TRIM55: variants seen among roughly 807,000 people sequenced by gnomAD.
TRIM55 encodes tripartite motif containing 55, also known as tripartite motif-containing protein 55.
A neutral mutation model predicts 60.9 loss-of-function variants in TRIM55; 50 were observed. That is an observed-to-expected ratio of 0.82 (90% CI 0.65 to 1.04). TRIM55 has a LOEUF of 1.04. Among genes scored for constraint, TRIM55 ranks in the 50% least tolerant of loss-of-function variants. The probability of loss-of-function intolerance (pLI) is 0.00; values close to 1 mark genes in which losing one functional copy is unlikely to be tolerated. For missense variants in TRIM55, 681 were observed against 666.9 expected (o/e 1.02, Z -0.23); for synonymous variants, 237 against 238.1 (o/e 1.00, Z 0.04).
intron 9 of TRIM55, among the ~76,000 whole-genome samples, chr8:66,168,130 A>G (rs987403198): frequency 1.3e-5 from 2 of 152,036 alleles, no homozygotes; most frequent in Non-Finnish European, 2.9e-5. Context: ...GCTGTGCTGT[A>G]TTTTCACAGC....
intron 9 of TRIM55, among the ~76,000 whole-genome samples, chr8:66,154,850 A>G (rs1398280295): frequency 3.3e-5 from 5 of 152,204 alleles, no homozygotes; most frequent in African/African-American, 1.2e-4. Flanking sequence ...CTAGACAGAG[A>G]CAGTCTTGGC....
At chr8:66,170,680 C>T (rs993178268) in intron 9 of TRIM55, among the ~76,000 whole-genome samples, 3 of 152,052 alleles carry the variant, frequency 2.0e-5, no homozygotes, top group Admixed American at 6.5e-5. Flanking sequence ...AATTGGAACC[C>T]TCATGCACTG....
chr8:66,154,344 G>C lies in TRIM55; in HGVS notation c.1524+10G>C, dbSNP rs1563384088. 1 of 1,612,712 alleles carries C rather than the reference G, an allele frequency of 6.2e-7. No homozygotes were observed. The highest frequency in any genetic ancestry group is 8.5e-7 in the Non-Finnish European group (1 of 1,178,922). On this transcript the variant is annotated intron_variant, in intron 9 of 9. Transcript: ENST00000315962. ...TGCAGCTACTTCTCAGGTTAGTGAT[G>C]ATGCACTTGTGTCTATGCTTTCCCG...
At position 66,154,184 on chromosome 8, in the gene TRIM55, T is replaced by C. The variant is rs1250410835; in HGVS notation, c.1374T>C (p.Pro458=). 8.1e-6 allele frequency: 13 copies of C among 1,613,920 alleles called. No individual in the cohort carries two copies. The highest frequency in any genetic ancestry group is 1.1e-5 in the Non-Finnish European group (13 of 1,180,002). ...CCCGGAAAGCCACCACCAACCCACC[T>C]TGCACCCCAGGGAGCGAAGGTCTGG... ...GQTRKATTNP[P]CTPGSEGLGQ... is the part of the protein sequence containing the mutation. Residue 458 remains proline, a synonymous_variant, in exon 9 of 10, where the codon CCT becomes CCC. Transcript: ENST00000315962.
chr8:66,113,357 C>T, the TRIM55 span: 65 of 368,092 alleles, frequency 1.8e-4, no homozygotes, highest in Non-Finnish European at 2.9e-4. Flanking sequence ...CGCCGACACA[C>T]GTACACGTCC....
chr8:66,113,571 C>G, the TRIM55 span: 20 of 456,194 alleles, frequency 4.4e-5, no homozygotes, highest in Non-Finnish European at 8.8e-5. Context: ...CGCTTTCTCC[C>G]CATTTTGGGC....
chr8:66,134,021 A>T (rs1478350151), intron 2 of TRIM55, among the ~76,000 whole-genome samples: 1 of 152,188 alleles, frequency 6.6e-6, no homozygotes, highest in Non-Finnish European at 1.5e-5. Context: ...TTCGAACAGC[A>T]ATACTTATTT....
the TRIM55 span, among the ~76,000 whole-genome samples, chr8:66,120,801 A>G: frequency 6.6e-6 from 1 of 152,184 alleles, no homozygotes; most frequent in Non-Finnish European, 1.5e-5. Flanking sequence ...ATAAAACTGT[A>G]ATCATAAATA....
intron 4 of TRIM55, among the ~76,000 whole-genome samples, chr8:66,139,740 AG>A (rs1809694689): frequency 6.6e-6 from 1 of 152,150 alleles, no homozygotes; most frequent in Admixed American, 6.6e-5. Flanking sequence ...AATTATCAGG[AG>A]TCTTAAAAGT....
At chr8:66,124,507 C>G (rs911930752), upstream of TRIM55, among the ~76,000 whole-genome samples, 2 of 152,180 alleles carry the variant, frequency 1.3e-5, no homozygotes, top group Non-Finnish European at 2.9e-5. Context: ...CCATGCCCCA[C>G]CTAACTACAC....
At chr8:66,113,387 AGAGCG>A in the TRIM55 span, 1 of 394,680 alleles carries the variant, frequency 2.5e-6, no homozygotes, top group Non-Finnish European at 5.1e-6. Flanking sequence ...CTCAGCTGGT[AGAGCG>A]GAGGACTGTA....
In TRIM55 at chr8:66,152,722, A is replaced by T; in HGVS notation, c.1236+95A>T. On this transcript the variant is annotated intron_variant, in intron 8 of 9. Coordinates refer to ENST00000315962, the MANE Select transcript of TRIM55 (RefSeq NM_184085.2). ...TACCCTATTCTGCCTTAAGAAAAAG[A>T]TAACTATATGCCAGACATTCGTATA... 1.2e-5 allele frequency: 17 copies of T among 1,469,788 alleles called. No individual in the cohort carries two copies. In the South Asian group the frequency reaches 2.3e-4, roughly 20 times the overall value. The allele number at this position is 1,469,788 out of a possible 1,614,324, so 91.0% of individuals were successfully genotyped here. A position where few individuals can be genotyped will look rare whatever the true frequency, so the allele number is the denominator to read the frequency against.
At chr8:66,144,480 G>A (rs1324659209) in intron 4 of TRIM55, among the ~76,000 whole-genome samples, 1 of 152,206 alleles carries the variant, frequency 6.6e-6, no homozygotes, top group Non-Finnish European at 1.5e-5. Context: ...AGCAGCCAGA[G>A]GCTTTGCATC....
the TRIM55 span, among the ~76,000 whole-genome samples, chr8:66,118,061 C>T: frequency 1.0e-3 from 144 of 144,632 alleles, no homozygotes; most frequent in Non-Finnish European, 1.7e-3. Context: ...CCCAGCTGCT[C>T]GGGAGGCTGA....
At position 66,128,350 on chromosome 8, in the gene TRIM55, CAG is replaced by C; in HGVS notation, c.216_217del (p.Gly74ProfsTer8). The C allele has an allele frequency of 2.5e-6, 4 of 1,613,334 alleles. No homozygotes were observed. Among genetic ancestry groups the C allele is most frequent in the Non-Finnish European group, 3.4e-6 (4 of 1,179,626 alleles). The stretch of plus-strand genomic sequence containing the variant: ...ACAAGAGGAGGTACCACCATGGCAT[CAG>C]GGGGCCGATTCCGCTGCCCATCCTG... On this transcript the variant is annotated frameshift_variant, in exon 2 of 10. Coordinates refer to ENST00000315962, the MANE Select transcript of TRIM55 (RefSeq NM_184085.2). LOFTEE classifies it high-confidence loss of function.
chr8:66,169,771 C>T (rs1359878304), intron 9 of TRIM55, among the ~76,000 whole-genome samples: 3 of 152,132 alleles, frequency 2.0e-5, no homozygotes, highest in Non-Finnish European at 4.4e-5. Flanking sequence ...GCAGAAGGGA[C>T]GGAGCATTCC....
chr8:66,163,080 G>C (rs1226245685), intron 9 of TRIM55, among the ~76,000 whole-genome samples: 1 of 151,756 alleles, frequency 6.6e-6, no homozygotes, highest in Non-Finnish European at 1.5e-5. Flanking sequence ...CTTGTATTTT[G>C]TACCATTGAT....
At chr8:66,127,125 A>G, upstream of TRIM55, 1 of 919,902 alleles carries the variant, frequency 1.1e-6, no homozygotes, top group South Asian at 1.8e-5. Context: ...ACCCACTCCA[A>G]ACCAGGGCCT....
chr8:66,137,017 G>C, intron 3 of TRIM55, 78 bp from the exon 4 acceptor site: 1 of 1,234,036 alleles, frequency 8.1e-7, no homozygotes, highest in South Asian at 1.4e-5. Flanking sequence ...AACCTGTAAA[G>C]ACAATATTAT....
Sources: allele counts gnomAD v4.1 joint callset (sites outside exome capture counted in the v4.1 genomes callset), GRCh38; gene constraint gnomAD v4.1.1; transcripts MANE v1.5; gene names NCBI Gene and HGNC (gene_info 2026-07-23, HGNC 2026-07-21).